DKK2: variants seen among roughly 807,000 people sequenced by gnomAD.
DKK2 encodes dickkopf Wnt signaling pathway inhibitor 2.
In DKK2, 11 loss-of-function variants were observed where a neutral mutation model predicts 28.1. The observed-to-expected ratio is 0.39, with a 90% confidence interval of 0.25 to 0.65. The LOEUF is 0.65. Ranked by LOEUF, DKK2 falls within the 30% of genes least tolerant of loss-of-function variation. The pLI is 0.47. For missense variants in DKK2, 326 were observed against 335.5 expected (o/e 0.97, Z 0.22); for synonymous variants, 135 against 126.5 (o/e 1.07, Z -0.45).
chr4:107,031,311 A>T (rs1452208152), intron 1 of DKK2, among the ~76,000 whole-genome samples: 1 of 151,996 alleles, frequency 6.6e-6, no homozygotes. Flanking sequence ...AAAGTCATGG[A>T]TAATTTCAGA....
At chr4:107,032,397 T>C (rs936801343) in intron 1 of DKK2, among the ~76,000 whole-genome samples, 1 of 152,082 alleles carries the variant, frequency 6.6e-6, no homozygotes, top group Non-Finnish European at 1.5e-5. Flanking sequence ...ACCTTGCCTA[T>C]GGAACAAGTA....
At chr4:107,025,482 G>A (rs1047492008) in intron 1 of DKK2, among the ~76,000 whole-genome samples, 49 of 152,176 alleles carry the variant, frequency 3.2e-4, no homozygotes, top group African/African-American at 1.2e-3. Flanking sequence ...GGAGGGAGGA[G>A]ACAGAATCAC....
intron 1 of DKK2, among the ~76,000 whole-genome samples, chr4:106,963,092 C>T (rs1478076579): frequency 6.6e-6 from 1 of 151,516 alleles, no homozygotes; most frequent in African/African-American, 2.4e-5. Context: ...CGAGGTTTCA[C>T]GCTTGTAATC....
intron 1 of DKK2, among the ~76,000 whole-genome samples, chr4:107,004,667 T>C (rs1031244782): frequency 1.3e-5 from 2 of 152,228 alleles, no homozygotes; most frequent in Non-Finnish European, 2.9e-5. Context: ...CCTTGGAACC[T>C]GTGAATATAT....
intron 1 of DKK2, among the ~76,000 whole-genome samples, chr4:107,022,797 A>G (rs889496875): frequency 3.9e-5 from 6 of 152,096 alleles, no homozygotes; most frequent in Non-Finnish European, 8.8e-5. Context: ...GTAAAAAAGG[A>G]TTAATATTAG....
intron 1 of DKK2, among the ~76,000 whole-genome samples, chr4:106,984,834 A>G (rs1560586175): frequency 6.6e-6 from 1 of 152,232 alleles, no homozygotes; most frequent in Non-Finnish European, 1.5e-5. Context: ...CCTACTTAGC[A>G]ATAAAAAAGA....
In DKK2 at chr4:106,923,993, G is replaced by A; in HGVS notation, c.741C>T (p.Tyr247=). ...ACACATGGAGTCTGGCTTTGGAGGA[G>A]TAGGTGGCATCTTTCCATACTTTGC... The part of the protein sequence containing the change: ...LSCKVWKDAT[Y]SSKARLHVCQ... The change falls in exon 4 of 4, where the codon TAC becomes TAT. Residue 247 remains tyrosine, a synonymous_variant. Transcript: ENST00000285311. 3 of 1,613,990 alleles carry A rather than the reference G, an allele frequency of 1.9e-6. No individual in the cohort carries two copies. Among genetic ancestry groups the A allele is most frequent in the South Asian group, 2.2e-5 (2 of 91,084 alleles).
intron 1 of DKK2, among the ~76,000 whole-genome samples, chr4:107,000,097 T>C (rs1276482939): frequency 1.3e-5 from 2 of 152,186 alleles, no homozygotes; most frequent in Non-Finnish European, 2.9e-5. Flanking sequence ...TTTAAAAGAA[T>C]GTATCATTTT....
At position 106,925,815 on chromosome 4, in the gene DKK2, A is replaced by G. The variant is rs1183894243; in HGVS notation, c.357T>C (p.Ser119=). Residue 119 remains serine, a synonymous_variant, in exon 2 of 4, where the codon AGT becomes AGC. Transcript: ENST00000285311. ...RCHRDGMCCP[S]TRCNNGICIP... ...ATCTTTTACCATTATTGCAGCGGGT[A>G]CTGGGGCAGCACATGCCATCTCGGT... The G allele has an allele frequency of 6.2e-7, 1 of 1,611,026 alleles. No homozygotes were observed. The highest frequency in any genetic ancestry group is 8.5e-7 in the Non-Finnish European group (1 of 1,178,872).
At chr4:106,934,666 T>C (rs1178777689) in intron 1 of DKK2, among the ~76,000 whole-genome samples, 1 of 152,220 alleles carries the variant, frequency 6.6e-6, no homozygotes, top group Non-Finnish European at 1.5e-5. Context: ...GAATTCTCTT[T>C]CATTTCCTCT....
rs1010620418 is a variant in DKK2, at chr4:106,933,738, A to G, written c.223-7789T>C. Among the ~76,000 whole-genome samples the G allele has an allele frequency of 5.9e-5, 9 of 152,252 alleles. 1 individual carries two copies. Among genetic ancestry groups the G allele is most frequent in the Admixed American group, 5.9e-4 (9 of 15,292 alleles). Reference sequence around the variant, plus strand: ...TATAGCATCACCTTTCTCTTTTCCAATGAAAATGACATTTAAAATTCAAAA... The same window carrying G: ...TATAGCATCACCTTTCTCTTTTCCAGTGAAAATGACATTTAAAATTCAAAA... On this transcript the variant is annotated intron_variant, in intron 1 of 3. Coordinates refer to ENST00000285311, the MANE Select transcript of DKK2 (RefSeq NM_014421.3).
At chr4:107,000,362 A>G (rs972620956) in intron 1 of DKK2, among the ~76,000 whole-genome samples, 3 of 152,228 alleles carry the variant, frequency 2.0e-5, no homozygotes, top group African/African-American at 7.2e-5. Context: ...TGTTTACAAC[A>G]TTTGGACAAA....
chr4:107,031,328 A>G (rs1283676444), intron 1 of DKK2, among the ~76,000 whole-genome samples: 2 of 152,022 alleles, frequency 1.3e-5, no homozygotes, highest in East Asian at 3.9e-4. Flanking sequence ...CAGAAAGTAA[A>G]GAGATCCCTT....
chr4:106,997,732 T>C (rs1723296435), intron 1 of DKK2, among the ~76,000 whole-genome samples: 1 of 152,234 alleles, frequency 6.6e-6, no homozygotes, highest in African/African-American at 2.4e-5. Context: ...GGACTGCAGG[T>C]ATGTTGAAAT....
intron 1 of DKK2, among the ~76,000 whole-genome samples, chr4:107,011,340 G>C (rs546291812): frequency 3.1e-4 from 47 of 151,566 alleles, no homozygotes; most frequent in African/African-American, 1.0e-3. Flanking sequence ...GACCTAGAAA[G>C]CTCAAAGCTT....
At chr4:106,991,728 C>T (rs139625944) in intron 1 of DKK2, among the ~76,000 whole-genome samples, 1 of 152,062 alleles carries the variant, frequency 6.6e-6, no homozygotes, top group Non-Finnish European at 1.5e-5. Context: ...TGCACACACA[C>T]AAAAAACAGG....
intron 1 of DKK2, among the ~76,000 whole-genome samples, chr4:107,013,045 C>T (rs1723537813): frequency 6.6e-6 from 1 of 151,072 alleles, no homozygotes; most frequent in Admixed American, 6.6e-5. Flanking sequence ...AATAATTTGC[C>T]TCTATTTAGT....
At chr4:106,992,833 G>A (rs1002784548) in intron 1 of DKK2, among the ~76,000 whole-genome samples, 3 of 152,110 alleles carry the variant, frequency 2.0e-5, no homozygotes, top group Non-Finnish European at 4.4e-5. Context: ...TTAAAACAGG[G>A]CCTGGCTGAA....
intron 1 of DKK2, among the ~76,000 whole-genome samples, chr4:106,992,421 C>T (rs1380552747): frequency 1.3e-5 from 2 of 152,294 alleles, no homozygotes; most frequent in South Asian, 2.1e-4. Flanking sequence ...TGCCCCTCTT[C>T]CCACCTCTTG....
Sources: allele counts gnomAD v4.1 joint callset (sites outside exome capture counted in the v4.1 genomes callset), GRCh38; gene constraint gnomAD v4.1.1; transcripts MANE v1.5; gene names NCBI Gene and HGNC (gene_info 2026-07-23, HGNC 2026-07-21).